Variants in PTGER3 observed in about 807,000 individuals in gnomAD.
The protein encoded by PTGER3 is prostaglandin E receptor 3.
In PTGER3, 22 loss-of-function variants were observed where a neutral mutation model predicts 34.7. The observed-to-expected ratio is 0.63, with a 90% confidence interval of 0.45 to 0.91. PTGER3 has a LOEUF of 0.91. PTGER3 is among the 40% of genes least tolerant of loss of function. PTGER3 has a pLI of 0.00. For synonymous variants in PTGER3, 241 were observed against 230.1 expected, an observed-to-expected ratio of 1.05 and a Z score of -0.43; for missense variants, 468 against 519.4, an observed-to-expected ratio of 0.90 and a Z score of 0.96.
rs1042776230 is a variant in PTGER3, at chr1:70,931,953, C to T, written c.*23+21810G>A. ...GGGTTTTTCTTTTCTACTGCATTGT[C>T]AGGCTACAACTTTTCTGAACTTTTA... On this transcript the variant is annotated intron_variant, in intron 4 of 4. Coordinates refer to the PTGER3 transcript ENST00000370931. Among the ~76,000 whole-genome samples, 5 of 152,152 alleles carry T rather than the reference C, an allele frequency of 3.3e-5. No homozygotes were observed. The South Asian group carries it at 6.2e-4, about 19-fold the overall frequency.
At chr1:70,966,694 G>A (rs1233490941), downstream of PTGER3, among the ~76,000 whole-genome samples, 1 of 152,078 alleles carries the variant, frequency 6.6e-6, no homozygotes, top group Non-Finnish European at 1.5e-5. Flanking sequence ...ATGAGAACAT[G>A]TGGTGTTTGG....
At chr1:70,966,920 G>A (rs1652584162), downstream of PTGER3, among the ~76,000 whole-genome samples, 1 of 152,072 alleles carries the variant, frequency 6.6e-6, no homozygotes, top group Non-Finnish European at 1.5e-5. Context: ...ACATGTTCAT[G>A]TGTCTTTATA....
intron 2 of PTGER3, chr1:71,008,754 A>C: frequency 1.0e-6 from 1 of 967,596 alleles, no homozygotes; most frequent in Non-Finnish European, 1.2e-6. Context: ...ATATAAAACA[A>C]GCAATAAACA....
intron 4 of PTGER3, among the ~76,000 whole-genome samples, chr1:70,873,573 A>T (rs2100553785): frequency 6.8e-6 from 1 of 147,628 alleles, no homozygotes; most frequent in South Asian, 2.3e-4. Flanking sequence ...ATTTTATTTT[A>T]ATTTTCATAG....
chr1:70,910,487 C>T (rs908652441), intron 4 of PTGER3, among the ~76,000 whole-genome samples: 6 of 152,256 alleles, frequency 3.9e-5, no homozygotes, highest in African/African-American at 1.4e-4. Flanking sequence ...TGGCTCACTG[C>T]AGCCTCAAAT....
At chr1:70,924,376 C>T (rs373201090) in intron 4 of PTGER3, among the ~76,000 whole-genome samples, 11 of 152,214 alleles carry the variant, frequency 7.2e-5, no homozygotes, top group South Asian at 4.1e-4. Context: ...CTATGGTATA[C>T]TTGTTATTAA....
intron 2 of PTGER3, chr1:71,011,408 T>C (rs1657431703): frequency 2.0e-6 from 2 of 985,266 alleles, no homozygotes; most frequent in Non-Finnish European, 1.2e-6. Flanking sequence ...GGGAAATATA[T>C]ATTCAGAGTA....
chr1:70,855,612 C>A (rs1645785046), intron 4 of PTGER3, among the ~76,000 whole-genome samples: 1 of 151,748 alleles, frequency 6.6e-6, no homozygotes, highest in Admixed American at 6.6e-5. Context: ...GTGTCTATAT[C>A]AAAATTTTTT....
At chr1:71,042,065 A>G (rs1368257948) in intron 1 of PTGER3, among the ~76,000 whole-genome samples, 2 of 152,136 alleles carry the variant, frequency 1.3e-5, no homozygotes, top group East Asian at 1.9e-4. Flanking sequence ...GAGAAGGGCC[A>G]GTGACTCACA....
At chr1:70,985,805 G>C (rs768787635) in intron 2 of PTGER3, among the ~76,000 whole-genome samples, 1 of 152,080 alleles carries the variant, frequency 6.6e-6, no homozygotes, top group Non-Finnish European at 1.5e-5. Context: ...TTTTAATGAC[G>C]GTCTCAGGCA....
chr1:70,892,178 C>T (rs976962265), intron 4 of PTGER3, among the ~76,000 whole-genome samples: 2 of 152,150 alleles, frequency 1.3e-5, no homozygotes, highest in African/African-American at 4.8e-5. Context: ...GGAAGACAGA[C>T]CTGCATTTCA....
At chr1:70,954,922 AATAAT>A (rs1445230464) in intron 2 of PTGER3, among the ~76,000 whole-genome samples, 1 of 152,172 alleles carries the variant, frequency 6.6e-6, no homozygotes, top group Non-Finnish European at 1.5e-5. Context: ...TTCTGGCTAA[AATAAT>A]ACCCACAGTT....
At chr1:70,933,166 T>A (rs1243825747) in intron 4 of PTGER3, among the ~76,000 whole-genome samples, 4 of 152,180 alleles carry the variant, frequency 2.6e-5, no homozygotes, top group Non-Finnish European at 2.9e-5. Flanking sequence ...AGTAATGGCT[T>A]AATAATTGCT....
rs565989955 is a variant in PTGER3 at position 70,875,727 on chromosome 1, G to A, written c.*24-22868C>T. 3.3e-5 allele frequency among the ~76,000 whole-genome samples: 5 copies of A among 152,180 alleles called. No individual in the cohort carries two copies. In the South Asian group the frequency reaches 1.0e-3, roughly 32 times the overall value. ...TTATAAGTTAGGATGTGGCATTTGG[G>A]TTTCTTTTTCTGCATTAGTTTGCTT... On this transcript the variant is annotated intron_variant, in intron 4 of 4. Coordinates refer to the PTGER3 transcript ENST00000370931.
chr1:70,892,150 G>C (rs1646631172), intron 4 of PTGER3, among the ~76,000 whole-genome samples: 1 of 152,140 alleles, frequency 6.6e-6, no homozygotes, highest in Non-Finnish European at 1.5e-5. Flanking sequence ...GAGTTTCAGG[G>C]GGAAAGAAAG....
intron 4 of PTGER3, among the ~76,000 whole-genome samples, chr1:70,923,809 A>G (rs911620929): frequency 2.0e-5 from 3 of 152,204 alleles, no homozygotes; most frequent in South Asian, 2.1e-4. Context: ...TTTGGAAACT[A>G]TCTGTGAATA....
intron 2 of PTGER3, among the ~76,000 whole-genome samples, chr1:70,978,462 G>C (rs538908567): frequency 1.3e-5 from 2 of 152,144 alleles, no homozygotes; most frequent in South Asian, 4.1e-4. Context: ...AAATTAATAA[G>C]GTAATAGGAG....
intron 2 of PTGER3, chr1:71,006,850 A>C: frequency 1.0e-6 from 1 of 985,442 alleles, no homozygotes; most frequent in Non-Finnish European, 1.2e-6. Flanking sequence ...GGAAGAAAAC[A>C]CAGCGACATT....
At chr1:71,033,797 C>G (rs1173635524) in intron 1 of PTGER3, among the ~76,000 whole-genome samples, 1 of 151,982 alleles carries the variant, frequency 6.6e-6, no homozygotes, top group East Asian at 1.9e-4. Flanking sequence ...TGTAGCACTA[C>G]CTTACACACA....
Sources: gnomAD v4.1 joint callset for allele counts (sites outside exome capture counted in the v4.1 genomes callset) on GRCh38, gnomAD v4.1.1 for gene constraint, MANE v1.5 for transcripts, NCBI Gene and HGNC (gene_info 2026-07-23, HGNC 2026-07-21) for gene names.